The following BTBD10 variants were observed in gnomAD, a reference collection of about 807,000 sequenced individuals.
The protein encoded by BTBD10 is BTB domain containing 10.
In BTBD10, 21 loss-of-function variants were observed where a neutral mutation model predicts 53.2. The ratio of observed to expected loss-of-function variants is 0.39; its 90% CI spans 0.28 to 0.57. The LOEUF is 0.57. Ranked by LOEUF, BTBD10 falls within the 20% of genes least tolerant of loss-of-function variation. BTBD10 has a pLI of 0.53. For missense variants in BTBD10, 360 were observed against 594.7 expected, an observed-to-expected ratio of 0.61 and a Z score of 4.10; for synonymous variants, 149 against 192.7, an observed-to-expected ratio of 0.77 and a Z score of 1.88.
At chr11:13,424,620 A>G (rs1352554676) in intron 2 of BTBD10, among the ~76,000 whole-genome samples, 1 of 152,180 alleles carries the variant, frequency 6.6e-6, no homozygotes, top group African/African-American at 2.4e-5. Context: ...GCTGCATTGA[A>G]GAGTTTGAAA....
rs1189230257 is a variant in BTBD10 at position 13,388,714 on chromosome 11, T to C, written c.*117A>G. On this transcript the variant is annotated 3_prime_UTR_variant, in exon 9 of 9. Transcript: ENST00000278174. ...CTTTAAAAAAGCCTACACTGCAATA[T>C]CCTAAACATTGTTATGTGCATCTCA... is the stretch of plus-strand genomic sequence containing the variant. 4 of 1,166,468 alleles carry C rather than the reference T, an allele frequency of 3.4e-6. No individual in the cohort carries two copies. In the Admixed American group the frequency reaches 9.0e-5, roughly 26 times the overall value. 72.3% of individuals were successfully genotyped at this position (1,166,468 alleles called of 1,614,324 possible).
intron 1 of BTBD10, among the ~76,000 whole-genome samples, chr11:13,460,229 A>G (rs1467704501): frequency 3.3e-5 from 5 of 152,232 alleles, no homozygotes; most frequent in Non-Finnish European, 7.3e-5. Context: ...TGCACAAGTT[A>G]TGATAAATTT....
chr11:13,420,520 A>C (rs1451456784), intron 3 of BTBD10, among the ~76,000 whole-genome samples: 1 of 152,170 alleles, frequency 6.6e-6, no homozygotes, highest in African/African-American at 2.4e-5. Context: ...CAAAAGAAAA[A>C]TAAAAACCAA....
At chr11:13,401,392 GA>G (rs1472467572) in intron 8 of BTBD10, among the ~76,000 whole-genome samples, 4 of 151,954 alleles carry the variant, frequency 2.6e-5, no homozygotes, top group African/African-American at 4.8e-5. Context: ...CTATACCTAG[GA>G]ACTAGACCAC....
Position 13,459,251 on chromosome 11 carries a change from G to A in BTBD10, c.-58+3841C>T, listed in dbSNP as rs191173972. On this transcript the variant is annotated intron_variant, in intron 1 of 8. Coordinates refer to ENST00000278174, the MANE Select transcript of BTBD10 (RefSeq NM_032320.7). ...TTTTTTGTATTTTTAGTAGAGACGG[G>A]GTTTCACCGTTTTAGCCGGGATGGT... is the stretch of plus-strand genomic sequence containing the variant. Among the ~76,000 whole-genome samples, 1,347 of 151,586 alleles carry A rather than the reference G, an allele frequency of 8.9e-3. 3 individuals are homozygous for A. The highest frequency in any genetic ancestry group is 0.024 in the Middle Eastern group (7 of 294).
intron 1 of BTBD10, among the ~76,000 whole-genome samples, chr11:13,451,859 AAGAAG>A (rs1213829223): frequency 1.3e-5 from 2 of 152,176 alleles, no homozygotes; most frequent in African/African-American, 4.8e-5. Context: ...AAAGAACTAA[AAGAAG>A]AGCACTGTCT....
chr11:13,399,142 T>C (rs1366008560), intron 8 of BTBD10, among the ~76,000 whole-genome samples: 2 of 152,248 alleles, frequency 1.3e-5, no homozygotes, highest in Non-Finnish European at 2.9e-5. Context: ...TGCAGAGTGT[T>C]TTCCAACTTG....
chr11:13,431,220 A>G (rs1202509312), intron 2 of BTBD10, among the ~76,000 whole-genome samples: 1 of 152,134 alleles, frequency 6.6e-6, no homozygotes, highest in African/African-American at 2.4e-5. Context: ...AGATTTTTGC[A>G]TCCTCTTGTT....
chr11:13,408,412 A>T (rs1337655043), intron 6 of BTBD10, among the ~76,000 whole-genome samples: 3 of 152,204 alleles, frequency 2.0e-5, no homozygotes, highest in East Asian at 3.9e-4. Flanking sequence ...CTATGTGAAA[A>T]AGAATGTTAT....
intron 2 of BTBD10, among the ~76,000 whole-genome samples, chr11:13,427,689 CAGA>C (rs1950367480): frequency 6.6e-6 from 1 of 151,982 alleles, no homozygotes; most frequent in Non-Finnish European, 1.5e-5. Context: ...CATGTGCACA[CAGA>C]AGAACATTTC....
chr11:13,428,565 TA>T (rs1950389768), intron 2 of BTBD10, among the ~76,000 whole-genome samples: 2 of 151,830 alleles, frequency 1.3e-5, no homozygotes, highest in Admixed American at 1.3e-4. Flanking sequence ...AATTTTGAAC[TA>T]AAAGAAAGTG....
chr11:13,451,315 G>A (rs1950854600), intron 1 of BTBD10, among the ~76,000 whole-genome samples: 1 of 152,136 alleles, frequency 6.6e-6, no homozygotes, highest in Non-Finnish European at 1.5e-5. Context: ...ACCTCCAGCA[G>A]CAGAAAGCTG....
chr11:13,451,479 C>G (rs1166880765), intron 1 of BTBD10, among the ~76,000 whole-genome samples: 1 of 152,120 alleles, frequency 6.6e-6, no homozygotes, highest in Admixed American at 6.6e-5. Context: ...CACCAAATTA[C>G]AGGTGCAGAA....
In BTBD10 at chr11:13,462,204, G is replaced by T. The variant is rs57359211; in HGVS notation, c.-58+888C>A. Among the ~76,000 whole-genome samples the T allele has an allele frequency of 8.5e-4, 129 of 152,108 alleles. 1 individual carries two copies. The highest frequency in any genetic ancestry group is 3.1e-3 in the African/African-American group (128 of 41,448). On this transcript the variant is annotated intron_variant, in intron 1 of 8. Transcript: ENST00000278174. ...AGATTTTGATCAAATTTGTGTAGTT[G>T]GGGGGTTGGGAGGATAGGGGCGGGA...
intron 2 of BTBD10, among the ~76,000 whole-genome samples, chr11:13,423,564 T>C (rs1053066971): frequency 3.9e-5 from 6 of 152,198 alleles, no homozygotes; most frequent in African/African-American, 1.4e-4. Flanking sequence ...CTAATAACAC[T>C]ATAACCTAAG....
At chr11:13,393,989 CAGCTGATAAATGTAAA>C (rs1179363979) in intron 8 of BTBD10, among the ~76,000 whole-genome samples, 4 of 152,208 alleles carry the variant, frequency 2.6e-5, no homozygotes, top group Non-Finnish European at 5.9e-5. Flanking sequence ...TACAAAATAC[CAGCTGATAAATGTAAA>C]AGGAATGATA....
chr11:13,415,173 G>A (rs995050555), intron 5 of BTBD10, among the ~76,000 whole-genome samples: 8 of 146,800 alleles, frequency 5.4e-5, no homozygotes, highest in African/African-American at 2.0e-4. Flanking sequence ...GAGTGCAATG[G>A]TGTGATCTCA....
At chr11:13,416,131 T>C (rs952361909) in intron 5 of BTBD10, among the ~76,000 whole-genome samples, 1 of 151,456 alleles carries the variant, frequency 6.6e-6, no homozygotes, top group Non-Finnish European at 1.5e-5. Flanking sequence ...GCAGGAGGAC[T>C]GCTTGAGCTC....
chr11:13,455,559 A>G (rs1176669044), intron 1 of BTBD10, among the ~76,000 whole-genome samples: 1 of 152,122 alleles, frequency 6.6e-6, no homozygotes, highest in Non-Finnish European at 1.5e-5. Flanking sequence ...CCTTCTTAAA[A>G]CTCAAAAGGC....
Sources: allele counts gnomAD v4.1 joint callset (sites outside exome capture counted in the v4.1 genomes callset), GRCh38; gene constraint gnomAD v4.1.1; transcripts MANE v1.5; gene names NCBI Gene and HGNC (gene_info 2026-07-23, HGNC 2026-07-21).